Variants in DGCR2 observed in about 807,000 individuals in gnomAD.
DGCR2 encodes the protein DiGeorge syndrome critical region gene 2, also known as integral membrane protein DGCR2/IDD.
A neutral mutation model predicts 51.6 loss-of-function variants in DGCR2; 24 were observed. That is an observed-to-expected ratio of 0.47 (90% CI 0.34 to 0.65). The LOEUF (loss-of-function observed/expected upper bound fraction) is 0.65, where lower values mean the gene tolerates loss of function less well. Ranked by LOEUF, DGCR2 falls within the 30% of genes least tolerant of loss-of-function variation. The pLI is 0.01. For missense variants in DGCR2, 765 were observed against 772.1 expected (o/e 0.99, Z 0.11); for synonymous variants, 340 against 315.4 (o/e 1.08, Z -0.82).
At chr22:19,039,466 G>A (rs538498753) in intron 9 of DGCR2, among the ~76,000 whole-genome samples, 22 of 152,310 alleles carry the variant, frequency 1.4e-4, no homozygotes, top group East Asian at 7.7e-4. Flanking sequence ...AAGGGAAACC[G>A]TCTCAGACTC....
Position 19,061,077 on chromosome 22 carries a change from C to A in DGCR2, c.625+2125G>T, listed in dbSNP as rs56044032. ...CTGATATTCTCAGGTACAATATTTT[C>A]TTAGGGAAGGGTTCAGAATGAGTAA... On this transcript the variant is annotated intron_variant, in intron 5 of 9. Transcript: ENST00000263196. 1.2e-3 allele frequency: 282 copies of A among 234,646 alleles called. 1 individual carries two copies. Among genetic ancestry groups the A allele is most frequent in the Non-Finnish European group, 2.0e-3 (228 of 113,856 alleles). 14.5% of individuals were successfully genotyped at this position (234,646 alleles called of 1,614,324 possible). A position where few individuals can be genotyped will look rare whatever the true frequency, so the allele number is the denominator to read the frequency against.
At chr22:19,039,930 C>T (rs1318764657) in intron 9 of DGCR2, among the ~76,000 whole-genome samples, 1 of 152,148 alleles carries the variant, frequency 6.6e-6, no homozygotes, top group Non-Finnish European at 1.5e-5. Context: ...CTCGAACCAA[C>T]CTGGGCAACA....
intron 1 of DGCR2, among the ~76,000 whole-genome samples, chr22:19,116,818 G>C (rs1433487199): frequency 1.3e-5 from 2 of 152,064 alleles, no homozygotes; most frequent in African/African-American, 2.4e-5. Context: ...CAGCAGGAGA[G>C]AGTCAATAAC....
intron 2 of DGCR2, among the ~76,000 whole-genome samples, chr22:19,083,028 A>G (rs1202996270): frequency 6.6e-6 from 1 of 151,076 alleles, no homozygotes; most frequent in African/African-American, 2.4e-5. Context: ...CGGAGGTTGC[A>G]GTGATACAAG....
chr22:19,100,083 G>A (rs2083184837), intron 1 of DGCR2, among the ~76,000 whole-genome samples: 1 of 151,988 alleles, frequency 6.6e-6, no homozygotes, highest in Non-Finnish European at 1.5e-5. Flanking sequence ...AGACCAGCCT[G>A]GACAAGGCGA....
intron 2 of DGCR2, among the ~76,000 whole-genome samples, chr22:19,076,228 T>C (rs977108748): frequency 1.3e-5 from 2 of 152,220 alleles, no homozygotes; most frequent in Non-Finnish European, 2.9e-5. Context: ...TGGCATGATC[T>C]CAGCTCACTG....
chr22:19,102,635 G>A (rs60970018), intron 1 of DGCR2, among the ~76,000 whole-genome samples: 4,232 of 151,986 alleles, frequency 0.028, 101 homozygotes, highest in South Asian at 0.067. Flanking sequence ...CTGGGAGGTG[G>A]AGCTTGCAGT....
intron 1 of DGCR2, among the ~76,000 whole-genome samples, chr22:19,114,714 G>T (rs958889189): frequency 1.1e-4 from 16 of 152,102 alleles, no homozygotes; most frequent in African/African-American, 3.1e-4. Flanking sequence ...TGTGACTCCT[G>T]CCCCTCATCC....
chr22:19,084,201 C>G (rs2082978852), intron 2 of DGCR2, among the ~76,000 whole-genome samples: 1 of 151,876 alleles, frequency 6.6e-6, no homozygotes, highest in Non-Finnish European at 1.5e-5. Context: ...ATGTGAGGAG[C>G]CCCTCTGACC....
intron 5 of DGCR2, among the ~76,000 whole-genome samples, chr22:19,060,318 G>A (rs116561574): frequency 4.4e-4 from 67 of 152,280 alleles, no homozygotes; most frequent in African/African-American, 1.6e-3. Context: ...TACAGCACCA[G>A]AGAAAGAAGA....
rs2082905080 is a variant in DGCR2, at chr22:19,078,669, TTGACCACTGAC to T, written c.203-10455_203-10445del. Among the ~76,000 whole-genome samples the T allele has an allele frequency of 1.3e-5, 2 of 152,224 alleles. 1 individual carries two copies. Among genetic ancestry groups the T allele is most frequent in the South Asian group, 4.1e-4 (2 of 4,830 alleles). ...ATCTTAGAGGAAAAGCTTTCAGTCT[TTGACCACTGAC>T]TGATTTTAGTTTGCTGAGACATCCT... On this transcript the variant is annotated intron_variant, in intron 2 of 9. Coordinates refer to ENST00000263196, the MANE Select transcript of DGCR2 (RefSeq NM_005137.3).
At position 19,057,063 on chromosome 22, in the gene DGCR2, G is replaced by T; in HGVS notation, c.725C>A (p.Pro242His). 2 of 1,601,378 alleles carry T rather than the reference G, an allele frequency of 1.2e-6. No individual in the cohort carries two copies. The highest frequency in any genetic ancestry group is 1.7e-6 in the Non-Finnish European group (2 of 1,174,124). ...GTGGAGGTCGTGGTGCCGCAGGGTG[G>T]GGAAATGGAAGCACTGAAGCTGGGC... is the stretch of plus-strand genomic sequence containing the variant. Reference protein sequence around the residue: ...FCAQLQCFHFPTLRHHDLHSW... With the variant: ...FCAQLQCFHFHTLRHHDLHSW... The change falls in exon 6 of 10, where the codon CCC (proline) becomes CAC (histidine). Residue 242 changes from proline to histidine, a missense_variant. By Grantham distance (77) the Pro-to-His change is moderately conservative. Coordinates refer to ENST00000263196, the MANE Select transcript of DGCR2 (RefSeq NM_005137.3). The surrounding 1 kb of genome is among the most constrained non-coding windows in gnomAD (Gnocchi z 5.1).
intron 2 of DGCR2, among the ~76,000 whole-genome samples, chr22:19,084,709 G>A (rs1601256421): frequency 8.7e-6 from 1 of 115,424 alleles, no homozygotes; most frequent in African/African-American, 2.9e-5. Flanking sequence ...CGTCCGGGAG[G>A]GAGGTGGGGG....
At position 19,105,882 on chromosome 22, in the gene DGCR2, C is replaced by T. The variant is rs527289253; in HGVS notation, c.79+16246G>A. On this transcript the variant is annotated intron_variant, in intron 1 of 9. Coordinates refer to ENST00000263196, the MANE Select transcript of DGCR2 (RefSeq NM_005137.3). The stretch of plus-strand genomic sequence containing the variant: ...CTTTTATGGAGTCCAAGGGCCACCT[C>T]TAACCTTCCCGCAAAGCCCCACATC... 8.5e-5 allele frequency among the ~76,000 whole-genome samples: 13 copies of T among 152,202 alleles called. 1 individual carries two copies. In the South Asian group the frequency reaches 2.7e-3, roughly 32 times the overall value.
intron 2 of DGCR2, among the ~76,000 whole-genome samples, chr22:19,078,366 CTGAG>C (rs76448724): frequency 0.016 from 2,502 of 152,268 alleles, 89 homozygotes; most frequent in East Asian, 0.062. Context: ...CTTCAGATAG[CTGAG>C]TTAGTGTACA....
intron 2 of DGCR2, among the ~76,000 whole-genome samples, chr22:19,075,869 G>A (rs182328809): frequency 1.3e-5 from 2 of 152,326 alleles, no homozygotes; most frequent in East Asian, 3.9e-4. Context: ...TGGCTACTAT[G>A]AGTAATGCTG....
chr22:19,071,606 C>G (rs2082816098), intron 2 of DGCR2, among the ~76,000 whole-genome samples: 2 of 152,188 alleles, frequency 1.3e-5, no homozygotes, highest in Non-Finnish European at 2.9e-5. Flanking sequence ...CCCAAAGCCC[C>G]CTGCAAAAGA....
intron 1 of DGCR2, among the ~76,000 whole-genome samples, chr22:19,099,642 A>C (rs2083179691): frequency 6.6e-6 from 1 of 152,068 alleles, no homozygotes; most frequent in Non-Finnish European, 1.5e-5. Flanking sequence ...TAAAGCAGTA[A>C]GTGCAACTTC....
intron 2 of DGCR2, among the ~76,000 whole-genome samples, chr22:19,082,219 TTTC>T (rs1253897987): frequency 2.2e-5 from 3 of 133,526 alleles, no homozygotes; most frequent in Non-Finnish European, 3.1e-5. Flanking sequence ...TGGCTAATTA[TTTC>T]TTTTTTTTTT....
Sources: gnomAD v4.1 joint callset for allele counts (sites outside exome capture counted in the v4.1 genomes callset) on GRCh38, gnomAD v4.1.1 for gene constraint, Gnocchi (gnomAD v3.1) non-coding constraint, MANE v1.5 for transcripts, NCBI Gene and HGNC (gene_info 2026-07-23, HGNC 2026-07-21) for gene names.